Variants in SLC36A4 observed in about 807,000 individuals in gnomAD.
The protein encoded by SLC36A4 is solute carrier family 36 member 4, also known as neutral amino acid uniporter 4.
A neutral mutation model predicts 50.5 loss-of-function variants in SLC36A4; 49 were observed. The ratio of observed to expected loss-of-function variants is 0.97; its 90% CI spans 0.77 to 1.23. The LOEUF is 1.23. Ranked by LOEUF, SLC36A4 falls within the 50% of genes most tolerant of loss-of-function variation. SLC36A4 has a pLI of 0.00. For synonymous variants in SLC36A4, 207 were observed against 206.5 expected (o/e 1.00, Z -0.02); for missense variants, 611 against 608.4 (o/e 1.00, Z -0.05).
At chr11:93,162,556 A>G (rs1860672011) in intron 9 of SLC36A4, 150 bp downstream of exon 9, 2 of 629,542 alleles carry the variant, frequency 3.2e-6, no homozygotes, top group Non-Finnish European at 5.2e-6. Flanking sequence ...TGATCCGCCC[A>G]CCTCTGCCTC....
At chr11:93,160,110 C>G in intron 9 of SLC36A4, 1 of 985,424 alleles carries the variant, frequency 1.0e-6, no homozygotes, top group Non-Finnish European at 1.2e-6. Flanking sequence ...CTAGTCCAAA[C>G]TTCTCACTTT....
intron 10 of SLC36A4, among the ~76,000 whole-genome samples, 178 bp from the exon 11 acceptor site, chr11:93,149,022 C>G (rs1859958306): frequency 6.6e-6 from 1 of 151,968 alleles, no homozygotes. Context: ...TAGAGAGAGA[C>G]AGAAAGACCA....
chr11:93,169,703 T>C (rs559146652), intron 6 of SLC36A4, among the ~76,000 whole-genome samples: 5 of 152,222 alleles, frequency 3.3e-5, no homozygotes, highest in African/African-American at 1.2e-4. Context: ...AATGCACAGC[T>C]CATGACTATG....
chr11:93,191,934 T>G (rs1216025416), intron 1 of SLC36A4, among the ~76,000 whole-genome samples: 2 of 152,184 alleles, frequency 1.3e-5, no homozygotes, highest in Admixed American at 6.5e-5. Context: ...CATAACTGAA[T>G]GTATTCAATT....
chr11:93,180,099 G>A (rs1286657289), intron 6 of SLC36A4: 15 of 951,638 alleles, frequency 1.6e-5, no homozygotes, highest in Non-Finnish European at 1.9e-5. Context: ...CTGTACCATG[G>A]ACATGTGGAT....
chr11:93,165,502 T>C (rs1313823952), intron 8 of SLC36A4, among the ~76,000 whole-genome samples: 8 of 152,200 alleles, frequency 5.3e-5, no homozygotes, highest in Admixed American at 5.2e-4. Flanking sequence ...TAATCTCATC[T>C]ATAAAATATG....
chr11:93,158,244 G>A (rs961729966), intron 9 of SLC36A4, among the ~76,000 whole-genome samples: 5 of 152,026 alleles, frequency 3.3e-5, no homozygotes, highest in Non-Finnish European at 7.4e-5. Context: ...TGTAACTGTG[G>A]ATAATTAAAC....
At chr11:93,180,214 G>A in intron 6 of SLC36A4, 2 of 984,960 alleles carry the variant, frequency 2.0e-6, no homozygotes, top group South Asian at 9.4e-5. Flanking sequence ...TGTTTTGATG[G>A]AGGGATTTTT....
chr11:93,165,295 G>A (rs1860810674), intron 8 of SLC36A4, among the ~76,000 whole-genome samples: 2 of 152,058 alleles, frequency 1.3e-5, no homozygotes, highest in African/African-American at 4.8e-5. Context: ...CAAATGTTAG[G>A]CATTAAATAA....
chr11:93,167,791 T>A (rs1860945838), intron 7 of SLC36A4, among the ~76,000 whole-genome samples, 153 bp downstream of exon 7: 1 of 152,074 alleles, frequency 6.6e-6, no homozygotes, highest in African/African-American at 2.4e-5. Flanking sequence ...CTCAGCAGCA[T>A]CCCCCTAAAA....
intron 6 of SLC36A4, among the ~76,000 whole-genome samples, chr11:93,176,321 T>C (rs1456491913): frequency 2.0e-5 from 3 of 151,320 alleles, no homozygotes; most frequent in African/African-American, 7.3e-5. Context: ...CTCCATCCTT[T>C]TATTTTGAGC....
chr11:93,172,241 T>A (rs1199347203), intron 6 of SLC36A4, among the ~76,000 whole-genome samples: 1 of 152,156 alleles, frequency 6.6e-6, no homozygotes, highest in Admixed American at 6.6e-5. Flanking sequence ...TTCCCTTTTT[T>A]AAAAACATTT....
rs1185978176 is a variant in SLC36A4 at position 93,197,580 on chromosome 11, T to G, written c.55+198A>C. 6 of 602,798 alleles carry G rather than the reference T, an allele frequency of 1.0e-5. No individual in the cohort carries two copies. The East Asian group carries it at 1.3e-4, about 13-fold the overall frequency. The allele number at this position is 602,798 out of a possible 1,614,324, so 37.3% of individuals were successfully genotyped here. On this transcript the variant is annotated intron_variant, in intron 1 of 10. Coordinates refer to ENST00000326402, the MANE Select transcript of SLC36A4 (RefSeq NM_152313.4). ...CACACACACATATTTTAACGCCCTA[T>G]TCAGGCCTGGGCTTCGTCTGACCAA...
intron 7 of SLC36A4, chr11:93,167,269 G>C (rs1860915026): frequency 1.3e-5 from 2 of 152,080 alleles, no homozygotes; most frequent in Admixed American, 6.6e-5. Context: ...GACTAGAACA[G>C]GGATTCTCAA....
At chr11:93,176,285 G>C (rs1211073355) in intron 6 of SLC36A4, among the ~76,000 whole-genome samples, 1 of 148,628 alleles carries the variant, frequency 6.7e-6, no homozygotes, top group Non-Finnish European at 1.5e-5. Flanking sequence ...GCCTTTTTTT[G>C]TTTTCCATTT....
intron 6 of SLC36A4, chr11:93,171,169 C>G (rs184850004): frequency 4.2e-4 from 63 of 151,670 alleles, no homozygotes; most frequent in African/African-American, 1.4e-3. Flanking sequence ...GGACTTTTAC[C>G]TTTCTATCTA....
At chr11:93,157,218 C>G (rs571338875) in intron 9 of SLC36A4, among the ~76,000 whole-genome samples, 1 of 152,186 alleles carries the variant, frequency 6.6e-6, no homozygotes, top group South Asian at 2.1e-4. Context: ...TGTTTTTGTT[C>G]CAGTACAATG....
At chr11:93,176,259 T>TTTAAA (rs1290925004) in intron 6 of SLC36A4, among the ~76,000 whole-genome samples, 1 of 150,896 alleles carries the variant, frequency 6.6e-6, no homozygotes, top group Non-Finnish European at 1.5e-5. Context: ...TATCAGAGAC[T>TTTAAA]AGGATTGCAA....
chr11:93,182,289 G>T, intron 4 of SLC36A4: 1 of 904,672 alleles, frequency 1.1e-6, no homozygotes, highest in Non-Finnish European at 1.3e-6. Context: ...TAAATGATTT[G>T]CCCAAAGTTT....
Sources: allele counts gnomAD v4.1 joint callset (sites outside exome capture counted in the v4.1 genomes callset), GRCh38; gene constraint gnomAD v4.1.1; transcripts MANE v1.5; gene names NCBI Gene and HGNC (gene_info 2026-07-23, HGNC 2026-07-21).